The following PKD1L1 variants were observed in gnomAD, a reference collection of about 807,000 sequenced individuals.
The protein encoded by PKD1L1 is polycystin 1 like 1, transient receptor potential channel interacting.
PKD1L1 carries 236 observed loss-of-function variants against 323.4 expected under a neutral mutation model. The ratio of observed to expected loss-of-function variants is 0.73; its 90% confidence interval spans 0.66 to 0.81. The LOEUF is 0.81. PKD1L1 is among the 40% of genes least tolerant of loss of function. PKD1L1 has a pLI of 0.00. For missense variants in PKD1L1, 3,320 were observed against 3,508.0 expected (o/e 0.95, Z 1.35); for synonymous variants, 1,344 against 1,335.0 (o/e 1.01, Z -0.15).
intron 24 of PKD1L1, among the ~76,000 whole-genome samples, chr7:47,873,458 C>T (rs900764025): frequency 2.0e-5 from 3 of 151,806 alleles, no homozygotes; most frequent in Non-Finnish European, 2.9e-5. Context: ...ACCAGCCTGA[C>T]CAACATGGTG....
At chr7:47,825,519 G>A (rs1454698456) in intron 45 of PKD1L1, among the ~76,000 whole-genome samples, 24 of 143,666 alleles carry the variant, frequency 1.7e-4, no homozygotes, top group African/African-American at 4.9e-4. Context: ...CAACAAGAGC[G>A]AAACTCTGTC....
chr7:47,938,345 C>A (rs906485669), intron 3 of PKD1L1, among the ~76,000 whole-genome samples: 1 of 152,144 alleles, frequency 6.6e-6, no homozygotes, highest in Non-Finnish European at 1.5e-5. Flanking sequence ...CTGGCACCTG[C>A]CCCTCTTCTG....
intron 2 of PKD1L1, among the ~76,000 whole-genome samples, chr7:47,943,167 T>A (rs1374641479): frequency 0.088 from 2,875 of 32,590 alleles, 43 homozygotes; most frequent in East Asian, 0.15. Flanking sequence ...AAAAAAAATA[T>A]ATATATATAT....
At chr7:47,825,531 CAAAA>C (rs113757054) in intron 45 of PKD1L1, among the ~76,000 whole-genome samples, 3 of 92,500 alleles carry the variant, frequency 3.2e-5, no homozygotes, top group Non-Finnish European at 2.3e-5. Context: ...AACTCTGTCT[CAAAA>C]AAAAAAAAAA....
chr7:47,810,262 T>A (rs927734821), intron 50 of PKD1L1, among the ~76,000 whole-genome samples: 1 of 152,236 alleles, frequency 6.6e-6, no homozygotes, highest in Admixed American at 6.5e-5. Flanking sequence ...TTTTGGGTGC[T>A]GCAAGGTGTT....
At chr7:47,924,987 A>G (rs575564816) in intron 7 of PKD1L1, among the ~76,000 whole-genome samples, 1 of 152,354 alleles carries the variant, frequency 6.6e-6, no homozygotes, top group South Asian at 2.1e-4. Flanking sequence ...ATATGTTTAC[A>G]TAGCTGAAAA....
Position 47,865,065 on chromosome 7 carries a change from C to T in PKD1L1, c.4149+151G>A, listed in dbSNP as rs1786133695. On this transcript the variant is annotated intron_variant, in intron 26 of 56. Transcript: ENST00000289672. ...CTATATTCAAAATTTCTGAGATGGG[C>T]TTTGCTATTCAGATGAATTCTTAAG... 8.1e-6 allele frequency: 5 copies of T among 616,438 alleles called. No homozygotes were observed. The Admixed American group carries it at 9.1e-5, about 11-fold the overall frequency. The allele number at this position is 616,438 out of a possible 1,614,324, so 38.2% of individuals were successfully genotyped here.
intron 26 of PKD1L1, among the ~76,000 whole-genome samples, chr7:47,859,113 G>A (rs960165312): frequency 1.1e-4 from 16 of 152,186 alleles, no homozygotes; most frequent in African/African-American, 3.6e-4. Context: ...GTCCAGGTTT[G>A]GTCTCTAGGT....
At position 47,866,480 on chromosome 7, in the gene PKD1L1, T is replaced by C; in HGVS notation, c.4031A>G (p.Gln1344Arg). ...SKEDKTASCN[Q>R]WSRIQDALIS... The stretch of plus-strand genomic sequence containing the variant: ...TAATGCATCCTGTATTCGTGACCAT[T>C]GGTTGCAGGAGGCAGTTTTGTCCTC... Residue 1344 changes from glutamine to arginine, a missense_variant, in exon 25 of 57, where the codon CAA (glutamine) becomes CGA (arginine). Coordinates refer to ENST00000289672, the MANE Select transcript of PKD1L1 (RefSeq NM_138295.5). The C allele has an allele frequency of 1.9e-6, 3 of 1,613,836 alleles. No individual in the cohort carries two copies. The highest frequency in any genetic ancestry group is 1.1e-5 in the South Asian group (1 of 90,978).
chr7:47,891,499 C>T (rs974843115), intron 15 of PKD1L1, among the ~76,000 whole-genome samples: 1 of 152,208 alleles, frequency 6.6e-6, no homozygotes, highest in Admixed American at 6.5e-5. Context: ...GCCATAAGCC[C>T]TTTTCAAAGG....
chr7:47,917,349 G>A (rs1787450974), intron 7 of PKD1L1, among the ~76,000 whole-genome samples: 2 of 152,052 alleles, frequency 1.3e-5, no homozygotes, highest in South Asian at 4.1e-4. Context: ...CCAAACCTAA[G>A]AATAATCAGT....
At chr7:47,836,885 C>A in intron 37 of PKD1L1, 36 bp downstream of exon 37, 1 of 1,599,524 alleles carries the variant, frequency 6.3e-7, no homozygotes, top group Non-Finnish European at 8.5e-7. Context: ...GTAGTCGGAT[C>A]TGGAAGCTGC....
intron 7 of PKD1L1, among the ~76,000 whole-genome samples, chr7:47,926,470 G>A (rs1787658384): frequency 6.6e-6 from 1 of 152,144 alleles, no homozygotes; most frequent in Non-Finnish European, 1.5e-5. Context: ...CCAAGCTGTA[G>A]CATGACCACC....
Position 47,876,053 on chromosome 7 carries a change from G to C in PKD1L1, c.3784+44C>G, listed in dbSNP as rs4724654. 0.29 allele frequency: 469,698 copies of C among 1,597,292 alleles called. 74,042 individuals are homozygous for C. Among genetic ancestry groups the C allele is most frequent in the African/African-American group, 0.57 (42,638 of 74,424 alleles). On this transcript the variant is annotated intron_variant, in intron 23 of 56. Transcript: ENST00000289672. ...AAACCAGGAAAAAAGGTTTAGAACT[G>C]TAGGTTGGCACAGCTAGTGACTCCA...
Position 47,915,496 on chromosome 7 carries a change from G to A in PKD1L1, c.1164C>T (p.Asn388=), listed in dbSNP as rs1258974201. ...TLNVYLCQSE[N]SCLEDSDPSN... is the part of the protein sequence containing the mutation. ...TGGGGTCTGAGTCTTCCAGGCAGCT[G>A]TTTTCACTTTGGCACAAGTAAACAT... Residue 388 remains asparagine, a synonymous_variant, in exon 8 of 57, where the codon AAC becomes AAT. Transcript: ENST00000289672. 1.5e-6 allele frequency: 2 copies of A among 1,372,960 alleles called. No individual in the cohort carries two copies. The highest frequency in any genetic ancestry group is 1.4e-5 in the African/African-American group (1 of 69,814). The allele number at this position is 1,372,960 out of a possible 1,614,324, so 85.0% of individuals were successfully genotyped here. A position where few individuals can be genotyped will look rare whatever the true frequency, so the allele number is the denominator to read the frequency against.
chr7:47,839,446 C>A lies in PKD1L1; in HGVS notation c.5769G>T (p.Lys1923Asn). The change falls in exon 36 of 57, where the codon AAG becomes AAT. Residue 1923 changes from lysine (K) to asparagine (N), a missense_variant and splice_region_variant. Lys to Asn is a moderately conservative substitution (Grantham distance 94, BLOSUM62 0). Coordinates refer to ENST00000289672, the MANE Select transcript of PKD1L1 (RefSeq NM_138295.5). The surrounding 1 kb of genome is among the most constrained non-coding windows in gnomAD (Gnocchi z 4.3). ...TCLQGGLGFR[K>N]LFYCKFTEYL... ...GAGAGGCCACCTGGAGGGAGCCTAC[C>A]TTCCGGAAGCCGAGTCCCCCTTGCA... is the stretch of plus-strand genomic sequence containing the variant. The A allele has an allele frequency of 6.9e-6, 11 of 1,604,870 alleles. No individual in the cohort carries two copies. Among genetic ancestry groups the A allele is most frequent in the Non-Finnish European group, 9.4e-6 (11 of 1,175,010 alleles).
intron 46 of PKD1L1, 136 bp downstream of exon 46, chr7:47,820,940 G>GT: frequency 1.7e-6 from 1 of 590,538 alleles, no homozygotes; most frequent in South Asian, 2.5e-5. Flanking sequence ...ATGGAAGGGG[G>GT]TTTTATTACT....
chr7:47,921,535 C>A (rs1036108455), intron 7 of PKD1L1, among the ~76,000 whole-genome samples: 1 of 152,080 alleles, frequency 6.6e-6, no homozygotes, highest in Non-Finnish European at 1.5e-5. Context: ...TACTGGATAT[C>A]GATCCATTGG....
At chr7:47,824,839 C>T (rs1447400626) in intron 45 of PKD1L1, among the ~76,000 whole-genome samples, 1 of 152,202 alleles carries the variant, frequency 6.6e-6, no homozygotes, top group Non-Finnish European at 1.5e-5. Context: ...GTTCCTGTCC[C>T]TCCAGCAAGA....
Sources: allele counts gnomAD v4.1 joint callset (sites outside exome capture counted in the v4.1 genomes callset), GRCh38; gene constraint gnomAD v4.1.1; non-coding constraint Gnocchi (gnomAD v3.1); transcripts MANE v1.5; gene names NCBI Gene and HGNC (gene_info 2026-07-23, HGNC 2026-07-21).